Variants in SH3KBP1 observed in about 807,000 individuals in gnomAD.
The protein encoded by SH3KBP1 is SH3 domain-containing kinase-binding protein 1.
SH3KBP1 carries 8 observed loss-of-function variants against 50.1 expected under a neutral mutation model. The ratio of observed to expected loss-of-function variants is 0.16; its 90% confidence interval spans 0.09 to 0.29. The LOEUF is 0.29. Among genes scored for constraint, SH3KBP1 ranks in the 10% least tolerant of loss-of-function variants. The pLI, the probability that SH3KBP1 is intolerant of heterozygous loss-of-function variation, is 1.00. For missense variants in SH3KBP1, 377 were observed against 535.2 expected (o/e 0.70, Z 2.92); for synonymous variants, 227 against 218.6 (o/e 1.04, Z -0.34).
intron 8 of SH3KBP1, among the ~76,000 whole-genome samples, chrX:19,625,520 T>C (rs1196053148): frequency 2.7e-5 from 3 of 111,392 alleles, no homozygotes; most frequent in African/African-American, 9.8e-5. Context: ...GCATGGACCA[T>C]CATTTCACTC....
intron 3 of SH3KBP1, among the ~76,000 whole-genome samples, chrX:19,721,209 T>C (rs1375817302): frequency 2.7e-5 from 3 of 111,315 alleles, no homozygotes; most frequent in African/African-American, 9.8e-5. Context: ...CTAAACCCCT[T>C]AAGCAGAGGT....
intron 2 of SH3KBP1, among the ~76,000 whole-genome samples, chrX:19,762,430 T>A (rs1392799276): frequency 9.1e-6 from 1 of 110,248 alleles, no homozygotes; most frequent in Non-Finnish European, 1.9e-5. Context: ...GCAGACCCTC[T>A]ACTAGATCAG....
At chrX:19,617,047 C>T (rs1223700252) in intron 8 of SH3KBP1, among the ~76,000 whole-genome samples, 2 of 112,069 alleles carry the variant, frequency 1.8e-5, no homozygotes, top group Non-Finnish European at 3.8e-5. Context: ...TTTGCAGTTC[C>T]CTGCCCTGAA....
intron 8 of SH3KBP1, among the ~76,000 whole-genome samples, chrX:19,612,249 G>C (rs1003934152): frequency 2.7e-5 from 3 of 111,608 alleles, no homozygotes. Context: ...GTATAAAATA[G>C]CAGCAAATTC....
chrX:19,839,322 T>TA (rs760512231), intron 1 of SH3KBP1, among the ~76,000 whole-genome samples: 2,387 of 94,856 alleles, frequency 0.025, 57 homozygotes, highest in African/African-American at 0.071. Flanking sequence ...AAGAAGATAC[T>TA]AAAAAAAAAA....
chrX:19,734,111 T>C (rs1470752783), intron 3 of SH3KBP1, among the ~76,000 whole-genome samples: 1 of 112,406 alleles, frequency 8.9e-6, no homozygotes, highest in Non-Finnish European at 1.9e-5. Context: ...GAAACATAAA[T>C]GGATTCTTTC....
chrX:19,742,558 G>A (rs1010477567), intron 3 of SH3KBP1, among the ~76,000 whole-genome samples: 38 of 109,147 alleles, frequency 3.5e-4, no homozygotes, highest in African/African-American at 1.2e-3. Context: ...ATTTGAATGC[G>A]TTTTTTTTGT....
chrX:19,866,769 T>C (rs1054136398), intron 1 of SH3KBP1, among the ~76,000 whole-genome samples: 3 of 110,937 alleles, frequency 2.7e-5, no homozygotes, highest in Admixed American at 9.6e-5. Context: ...TTCTCATACA[T>C]ACAGCAGAAG....
chrX:19,796,071 G>A (rs1402693071), intron 2 of SH3KBP1, among the ~76,000 whole-genome samples: 1 of 111,972 alleles, frequency 8.9e-6, no homozygotes, highest in Non-Finnish European at 1.9e-5. Context: ...GAGAATACAA[G>A]AGGGCATCAC....
At chrX:19,884,502 G>A (rs897326257) in intron 1 of SH3KBP1, among the ~76,000 whole-genome samples, 6 of 112,697 alleles carry the variant, frequency 5.3e-5, no homozygotes, top group Admixed American at 2.8e-4. Flanking sequence ...GCTTTTGCTC[G>A]TGCCAAGATG....
chrX:19,580,136 T>G (rs778501310), intron 12 of SH3KBP1, among the ~76,000 whole-genome samples: 18 of 111,369 alleles, frequency 1.6e-4, no homozygotes, highest in African/African-American at 5.9e-4. Flanking sequence ...TCAACCCCAG[T>G]GTGCCTGGCC....
At position 19,549,544 on chromosome X, in the gene SH3KBP1, G is replaced by C. The variant is rs769222151; in HGVS notation, c.1494+430C>G. On this transcript the variant is annotated intron_variant, in intron 14 of 17. Coordinates refer to ENST00000397821, the MANE Select transcript of SH3KBP1 (RefSeq NM_031892.3). ...TCTGTGGAGGGGTACAGGCAACGGG[G>C]ATTTGAGAGAGAAAGGTTCGGCTGC... 4.5e-5 allele frequency among the ~76,000 whole-genome samples: 5 copies of C among 111,685 alleles called. No homozygotes were observed. The South Asian group carries it at 1.9e-3, about 42-fold the overall frequency.
At chrX:19,770,862 G>A (rs750610749) in intron 2 of SH3KBP1, among the ~76,000 whole-genome samples, 1 of 111,133 alleles carries the variant, frequency 9.0e-6, no homozygotes, top group Non-Finnish European at 1.9e-5. Flanking sequence ...AAAAGTGTCT[G>A]TTCATGTCCT....
At chrX:19,663,875 C>T (rs1480630765) in intron 6 of SH3KBP1, among the ~76,000 whole-genome samples, 1 of 112,054 alleles carries the variant, frequency 8.9e-6, no homozygotes, top group African/African-American at 3.2e-5. Flanking sequence ...CACCTGACGC[C>T]AGGAGTTCAA....
chrX:19,590,809 ATTTTTTTTTTTTTTTTT>A (rs34366083), intron 11 of SH3KBP1, among the ~76,000 whole-genome samples: 4 of 23,763 alleles, frequency 1.7e-4, no homozygotes, highest in Admixed American at 1.6e-3. Context: ...AGGCCTGGCT[ATTTTTTTTTTTTTTTTT>A]TTTTTTTTTT....
chrX:19,800,846 T>A (rs184028866), intron 2 of SH3KBP1, among the ~76,000 whole-genome samples: 24 of 111,953 alleles, frequency 2.1e-4, no homozygotes, highest in Admixed American at 2.1e-3. Context: ...TTCCCCCAGA[T>A]AACAAGTTCA....
intron 2 of SH3KBP1, among the ~76,000 whole-genome samples, chrX:19,783,817 G>A (rs765026531): frequency 1.9e-4 from 21 of 112,065 alleles, no homozygotes; most frequent in Non-Finnish European, 3.6e-4. Context: ...AAGGGTGGAC[G>A]TTTTAGCCAA....
intron 4 of SH3KBP1, among the ~76,000 whole-genome samples, chrX:19,698,151 G>A (rs2063464348): frequency 9.0e-6 from 1 of 111,554 alleles, no homozygotes; most frequent in Non-Finnish European, 1.9e-5. Context: ...AGTCCTTTGT[G>A]CTGGTACTGA....
intron 2 of SH3KBP1, among the ~76,000 whole-genome samples, chrX:19,808,169 T>G (rs1490755382): frequency 1.8e-5 from 2 of 110,273 alleles, no homozygotes; most frequent in Middle Eastern, 4.7e-3. Flanking sequence ...GAAGGGCAGT[T>G]CTCTAATATT....
Sources: allele counts gnomAD v4.1 joint callset (sites outside exome capture counted in the v4.1 genomes callset), GRCh38; gene constraint gnomAD v4.1.1; transcripts MANE v1.5; gene names NCBI Gene and HGNC (gene_info 2026-07-23, HGNC 2026-07-21).